Variants in FAM200C observed in about 807,000 individuals in gnomAD.
chr5:160,396,520 G>A, the FAM200C span, among the ~76,000 whole-genome samples: 3 of 151,992 alleles, frequency 2.0e-5, no homozygotes, highest in Non-Finnish European at 4.4e-5. Context: ...GGAGGCTGAG[G>A]TGGGTGGACT....
the FAM200C span, chr5:160,393,463 A>C: frequency 2.1e-5 from 10 of 473,154 alleles, no homozygotes; most frequent in East Asian, 3.4e-4. Context: ...ATACCACACG[A>C]ACAGGTTAAA....
the FAM200C span, among the ~76,000 whole-genome samples, chr5:160,396,698 G>GAAAAAAAA: frequency 2.1e-5 from 1 of 48,370 alleles, no homozygotes; most frequent in Non-Finnish European, 4.7e-5. Flanking sequence ...AGTCTCTGTG[G>GAAAAAAAA]AAAAAAAAAA....
At chr5:160,393,517 G>A in the FAM200C span, 1 of 593,694 alleles carries the variant, frequency 1.7e-6, no homozygotes, top group Non-Finnish European at 2.9e-6. Context: ...CAACTAGGCA[G>A]TAGTACTTAA....
the FAM200C span, among the ~76,000 whole-genome samples, chr5:160,396,375 AAGGT>A: frequency 6.6e-6 from 1 of 152,172 alleles, no homozygotes; most frequent in South Asian, 2.1e-4. Context: ...CCCTGATGCA[AAGGT>A]AGGCTACAAA....
chr5:160,395,035 TTCA>T, the FAM200C span: 2 of 1,613,894 alleles, frequency 1.2e-6, no homozygotes, highest in South Asian at 1.1e-5. Context: ...CCTGGCTCAT[TTCA>T]TCAATTCTAG....
the FAM200C span, among the ~76,000 whole-genome samples, chr5:160,396,758 G>A: frequency 7.0e-6 from 1 of 142,692 alleles, no homozygotes; most frequent in Non-Finnish European, 1.5e-5. Context: ...AACTATTCTT[G>A]TTACCGAGAC....
chr5:160,398,206 A>C, the FAM200C span, among the ~76,000 whole-genome samples: 6 of 151,670 alleles, frequency 4.0e-5, no homozygotes, highest in African/African-American at 1.5e-4. Flanking sequence ...CATTGCAGTG[A>C]GCTGAGATCA....
At chr5:160,394,653 T>C in the FAM200C span, 49 of 1,613,992 alleles carry the variant, frequency 3.0e-5, no homozygotes, top group Middle Eastern at 1.6e-4. Context: ...AATGTCTTTA[T>C]GACAAGTGCA....
At chr5:160,398,975 C>T in the FAM200C span, among the ~76,000 whole-genome samples, 9 of 152,176 alleles carry the variant, frequency 5.9e-5, no homozygotes, top group Non-Finnish European at 1.0e-4. Flanking sequence ...CTTTGAAATA[C>T]GTACTTCAGC....
At chr5:160,395,443 G>A in the FAM200C span, 1 of 1,614,108 alleles carries the variant, frequency 6.2e-7, no homozygotes, top group Non-Finnish European at 8.5e-7. Flanking sequence ...TTGTACAGGT[G>A]AACCAGTAGC....
At chr5:160,399,919 C>T in the FAM200C span, 1 of 152,324 alleles carries the variant, frequency 6.6e-6, no homozygotes, top group Admixed American at 6.5e-5. Context: ...AGGGCCCAGC[C>T]TCTGGCCGTC....
chr5:160,393,676 T>A, the FAM200C span: 1 of 1,394,428 alleles, frequency 7.2e-7, no homozygotes, highest in East Asian at 2.5e-5. Flanking sequence ...ATATTAAGAT[T>A]GAAATTATTC....
At chr5:160,395,482 C>T in the FAM200C span, 1 of 1,613,422 alleles carries the variant, frequency 6.2e-7, no homozygotes, top group Non-Finnish European at 8.5e-7. Flanking sequence ...ATTTGCGTTT[C>T]TTCGACATGG....
chr5:160,393,492 A>G, the FAM200C span: 1 of 557,550 alleles, frequency 1.8e-6, no homozygotes, highest in African/African-American at 1.9e-5. Flanking sequence ...TAGAATTGGG[A>G]AAATCTCATG....
chr5:160,394,001 T>G, the FAM200C span: 1 of 1,613,460 alleles, frequency 6.2e-7, no homozygotes, highest in South Asian at 1.1e-5. Flanking sequence ...AGCTCGTAAT[T>G]CAGCAAGATC....
At chr5:160,396,647 C>G in the FAM200C span, among the ~76,000 whole-genome samples, 2 of 147,188 alleles carry the variant, frequency 1.4e-5, no homozygotes, top group Non-Finnish European at 1.5e-5. Context: ...AGCTACTAAG[C>G]CAAGATCATG....
At chr5:160,394,175 T>C in the FAM200C span, 1 of 1,612,198 alleles carries the variant, frequency 6.2e-7, no homozygotes, top group East Asian at 2.2e-5. Context: ...GAATATGCCT[T>C]CATTATCTGA....
At chr5:160,394,304 A>G in the FAM200C span, 5 of 1,613,914 alleles carry the variant, frequency 3.1e-6, no homozygotes, top group Non-Finnish European at 4.2e-6. Context: ...TACTGTGTTC[A>G]TCCCAGTCCT....
At chr5:160,395,642 C>T in the FAM200C span, 6 of 674,734 alleles carry the variant, frequency 8.9e-6, no homozygotes, top group African/African-American at 9.0e-5. Flanking sequence ...ATACAGCCTG[C>T]AGCATGTCAA....
Sources: allele counts gnomAD v4.1 joint callset (sites outside exome capture counted in the v4.1 genomes callset), GRCh38; gene constraint gnomAD v4.1.1; transcripts MANE v1.5.